Variants in SLC44A1 observed in about 807,000 individuals in gnomAD.
SLC44A1 encodes choline transporter-like protein 1.
A neutral mutation model predicts 79.3 loss-of-function variants in SLC44A1; 26 were observed. The observed-to-expected ratio is 0.33, with a 90% CI of 0.24 to 0.46. The LOEUF is 0.46. Among genes scored for constraint, SLC44A1 ranks in the 20% least tolerant of loss-of-function variants. The pLI is 1.00. For synonymous variants in SLC44A1, 263 were observed against 286.2 expected (o/e 0.92, Z 0.82); for missense variants, 688 against 798.1 (o/e 0.86, Z 1.66).
chr9:105,352,497 C>T (rs559871759), intron 5 of SLC44A1, among the ~76,000 whole-genome samples: 1 of 152,240 alleles, frequency 6.6e-6, no homozygotes, highest in South Asian at 2.1e-4. Flanking sequence ...TTTTAAAAGA[C>T]TCATTATAAG....
chr9:105,415,615 C>A (rs1161097064), intron 15 of SLC44A1, among the ~76,000 whole-genome samples: 1 of 152,094 alleles, frequency 6.6e-6, no homozygotes, highest in Non-Finnish European at 1.5e-5. Flanking sequence ...AATTAACAAC[C>A]CCTGAAACTA....
intron 1 of SLC44A1, among the ~76,000 whole-genome samples, chr9:105,279,506 C>T (rs540631600): frequency 2.6e-5 from 4 of 151,856 alleles, no homozygotes; most frequent in South Asian, 2.1e-4. Flanking sequence ...TTAGTAGAGA[C>T]GGGGTTTCAC....
At chr9:105,379,055 G>A (rs761601818) in intron 13 of SLC44A1, among the ~76,000 whole-genome samples, 1 of 152,258 alleles carries the variant, frequency 6.6e-6, no homozygotes, top group Non-Finnish European at 1.5e-5. Flanking sequence ...AGGGTGGATC[G>A]CTTGAGCCCA....
At chr9:105,294,826 A>T (rs531723271) in intron 1 of SLC44A1, 1 of 148,790 alleles carries the variant, frequency 6.7e-6, no homozygotes, top group Non-Finnish European at 1.5e-5. Flanking sequence ...TTATTATCCT[A>T]TAGTTCTTGG....
chr9:105,291,173 G>A (rs1385977948), intron 1 of SLC44A1, among the ~76,000 whole-genome samples: 1 of 152,196 alleles, frequency 6.6e-6, no homozygotes, highest in Non-Finnish European at 1.5e-5. Flanking sequence ...TGGCAAAAAT[G>A]ATATACATCA....
At chr9:105,414,396 T>C (rs1829140667) in intron 15 of SLC44A1, among the ~76,000 whole-genome samples, 1 of 152,208 alleles carries the variant, frequency 6.6e-6, no homozygotes, top group Non-Finnish European at 1.5e-5. Context: ...TTTGGATCGA[T>C]GATTTTCATT....
intron 15 of SLC44A1, chr9:105,386,070 A>G (rs998926567): frequency 1.0e-6 from 1 of 985,324 alleles, no homozygotes; most frequent in Non-Finnish European, 1.2e-6. Context: ...ATCAATACCC[A>G]CATTCCCACT....
At chr9:105,381,803 T>C (rs1300937965) in intron 13 of SLC44A1, among the ~76,000 whole-genome samples, 2 of 152,164 alleles carry the variant, frequency 1.3e-5, no homozygotes, top group African/African-American at 4.8e-5. Flanking sequence ...GCTTAACCAA[T>C]GTATCATCTA....
chr9:105,279,280 A>G (rs1357629969), intron 1 of SLC44A1, among the ~76,000 whole-genome samples: 2 of 145,154 alleles, frequency 1.4e-5, no homozygotes, highest in East Asian at 4.1e-4. Context: ...CTCAACATCT[A>G]TTTTTTTTAA....
In SLC44A1 at chr9:105,272,030, G is replaced by A. The variant is rs188995006; in HGVS notation, c.36+27126G>A. Reference sequence around the variant, plus strand: ...GTTATGTTTTACATACTAGTTGAAAGCAAGAGTCTGTTTTTATTTTTTCCT... The same window carrying A: ...GTTATGTTTTACATACTAGTTGAAAACAAGAGTCTGTTTTTATTTTTTCCT... On this transcript the variant is annotated intron_variant, in intron 1 of 15. Coordinates refer to ENST00000374720, the MANE Select transcript of SLC44A1 (RefSeq NM_080546.5). Among the ~76,000 whole-genome samples the A allele has an allele frequency of 2.8e-4, 43 of 152,304 alleles. 1 individual carries two copies. In the East Asian group the frequency reaches 5.0e-3, roughly 18 times the overall value.
In SLC44A1 at chr9:105,335,622, T is replaced by C. The variant is rs753758087; in HGVS notation, c.329T>C (p.Val110Ala). 2.5e-6 allele frequency: 4 copies of C among 1,613,514 alleles called. No individual in the cohort carries two copies. In the South Asian group the frequency reaches 3.3e-5, roughly 13 times the overall value. Residue 110 changes from valine (V) to alanine (A), a missense_variant, in exon 4 of 16, where the codon GTA (valine) becomes GCA (alanine). Coordinates refer to ENST00000374720, the MANE Select transcript of SLC44A1 (RefSeq NM_080546.5). ...LDLINRKIKS[V>A]ALCVAACPRQ... ...TTGATAAACCGGAAGATTAAGTCTG[T>C]AGCACTGTGTGTAGCAGCGTGTCCA...
intron 2 of SLC44A1, among the ~76,000 whole-genome samples, chr9:105,304,930 C>T (rs1338592385): frequency 2.3e-5 from 3 of 129,864 alleles, no homozygotes; most frequent in Non-Finnish European, 4.8e-5. Flanking sequence ...TAGTTATTCC[C>T]TAGACTTTCT....
intron 1 of SLC44A1, among the ~76,000 whole-genome samples, chr9:105,289,499 A>G (rs1395263225): frequency 6.6e-6 from 1 of 152,240 alleles, no homozygotes; most frequent in African/African-American, 2.4e-5. Context: ...AATGATAATT[A>G]CTGTGATGGT....
At chr9:105,274,889 C>T (rs1830164373) in intron 1 of SLC44A1, among the ~76,000 whole-genome samples, 1 of 152,184 alleles carries the variant, frequency 6.6e-6, no homozygotes, top group Non-Finnish European at 1.5e-5. Flanking sequence ...TTAGTTATCT[C>T]ATCCATTCCA....
chr9:105,297,568 A>C (rs971480313), intron 1 of SLC44A1, among the ~76,000 whole-genome samples: 3 of 152,048 alleles, frequency 2.0e-5, no homozygotes, highest in Admixed American at 6.6e-5. Flanking sequence ...TTTTTAGTAG[A>C]GACGGGGTTT....
intron 1 of SLC44A1, among the ~76,000 whole-genome samples, chr9:105,268,740 C>A (rs141200130): frequency 3.6e-5 from 5 of 140,810 alleles, no homozygotes; most frequent in African/African-American, 6.3e-5. Context: ...CTCAGGTGAT[C>A]CGCCCGCCTT....
At chr9:105,297,271 C>G (rs183566026) in intron 1 of SLC44A1, among the ~76,000 whole-genome samples, 2 of 152,256 alleles carry the variant, frequency 1.3e-5, no homozygotes, top group Admixed American at 6.5e-5. Context: ...TGTTTTAACT[C>G]CAATTCTCCG....
intron 15 of SLC44A1, among the ~76,000 whole-genome samples, chr9:105,416,053 C>A (rs1341006413): frequency 1.3e-5 from 2 of 151,878 alleles, no homozygotes; most frequent in East Asian, 1.9e-4. Flanking sequence ...AGGTGCCCAC[C>A]ACCATGCCCA....
At chr9:105,269,876 ACT>A (rs1475261898) in intron 1 of SLC44A1, among the ~76,000 whole-genome samples, 1 of 151,694 alleles carries the variant, frequency 6.6e-6, no homozygotes, top group African/African-American at 2.4e-5. Flanking sequence ...CAGGTCTTAA[ACT>A]CTCTCGTCTT....
Sources: gnomAD v4.1 joint callset for allele counts (sites outside exome capture counted in the v4.1 genomes callset) on GRCh38, gnomAD v4.1.1 for gene constraint, MANE v1.5 for transcripts, NCBI Gene and HGNC (gene_info 2026-07-23, HGNC 2026-07-21) for gene names.